The following EWSR1 variants were observed in gnomAD, a reference collection of about 807,000 sequenced individuals.
EWSR1 encodes RNA-binding protein EWS.
In EWSR1, 14 loss-of-function variants were observed where a neutral mutation model predicts 92.1. The observed-to-expected ratio is 0.15, with a 90% CI of 0.10 to 0.24. The LOEUF is 0.24. EWSR1 is among the 10% of genes least tolerant of loss of function. EWSR1 has a pLI of 1.00. For synonymous variants in EWSR1, 303 were observed against 292.9 expected, an observed-to-expected ratio of 1.03 and a Z score of -0.35; for missense variants, 637 against 870.9, an observed-to-expected ratio of 0.73 and a Z score of 3.38.
intron 11 of EWSR1, among the ~76,000 whole-genome samples, chr22:29,293,215 C>T (rs1433021230): frequency 6.6e-6 from 1 of 151,986 alleles, no homozygotes; most frequent in Non-Finnish European, 1.5e-5. Flanking sequence ...TGCCTGTTGG[C>T]CGGGCTGGTC....
intron 4 of EWSR1, chr22:29,277,407 C>CT (rs2059207338): frequency 4.5e-6 from 1 of 221,918 alleles, no homozygotes; most frequent in Non-Finnish European, 9.0e-6. Flanking sequence ...AAAGGATAAA[C>CT]TGTGTTAAGC....
At chr22:29,275,160 G>A (rs1246581807) in intron 4 of EWSR1, among the ~76,000 whole-genome samples, 4 of 152,202 alleles carry the variant, frequency 2.6e-5, no homozygotes, top group South Asian at 2.1e-4. Flanking sequence ...TGGAACTAAG[G>A]TTATGCAGTT....
intron 12 of EWSR1, 96 bp downstream of exon 12, chr22:29,296,464 C>A: frequency 6.8e-7 from 1 of 1,469,662 alleles, no homozygotes; most frequent in African/African-American, 1.4e-5. Context: ...GACCTTCCAT[C>A]TCTTCCTGGG....
At chr22:29,300,091 T>A (rs1472040644) in intron 16 of EWSR1, 31 bp from the exon 17 acceptor site, 1 of 1,595,282 alleles carries the variant, frequency 6.3e-7, no homozygotes. Flanking sequence ...CCCCTTCCCA[T>A]TCTAACCGAA....
At chr22:29,291,861 A>T (rs2147535239) in intron 9 of EWSR1, 1 of 568,262 alleles carries the variant, frequency 1.8e-6, no homozygotes. Context: ...TAGAGGAAAA[A>T]TTTTGACTTA....
intron 8 of EWSR1, chr22:29,290,336 C>A: frequency 6.9e-7 from 1 of 1,439,134 alleles, no homozygotes; most frequent in Admixed American, 2.1e-5. Flanking sequence ...TTTTCATTGC[C>A]TCAGTATTTT....
intron 3 of EWSR1, 126 bp from the exon 4 acceptor site, chr22:29,273,615 T>C (rs186735845): frequency 9.4e-7 from 1 of 1,062,440 alleles, no homozygotes; most frequent in Non-Finnish European, 1.3e-6. Context: ...TTGTTGTTTT[T>C]GTTTTGTTTT....
chr22:29,268,596 C>G (rs1444414842), intron 1 of EWSR1, among the ~76,000 whole-genome samples: 4 of 152,126 alleles, frequency 2.6e-5, no homozygotes, highest in Non-Finnish European at 4.4e-5. Flanking sequence ...GCGCGGGGCC[C>G]GCCTTGGCCT....
chr22:29,273,992 G>A, intron 4 of EWSR1, 128 bp downstream of exon 4: 2 of 1,239,696 alleles, frequency 1.6e-6, no homozygotes, highest in Non-Finnish European at 2.2e-6. Context: ...TTTATTCTTA[G>A]GAAGAGGTAT....
intron 4 of EWSR1, chr22:29,276,393 G>A (rs2059128161): frequency 4.5e-6 from 1 of 224,234 alleles, no homozygotes; most frequent in Admixed American, 5.7e-5. Flanking sequence ...CAGCAGTTTT[G>A]ACAAGGACAT....
chr22:29,299,931 CTCA>C (rs2061211460), intron 16 of EWSR1, 80 bp downstream of exon 16: 1 of 1,540,600 alleles, frequency 6.5e-7, no homozygotes, highest in Admixed American at 2.1e-5. Flanking sequence ...GGCGCAAGTC[CTCA>C]TGTCTCTAGG....
chr22:29,284,231 A>G (rs1482226114), intron 6 of EWSR1, among the ~76,000 whole-genome samples: 5 of 151,348 alleles, frequency 3.3e-5, no homozygotes, highest in Admixed American at 6.5e-5. Context: ...TGGCCTCCCA[A>G]AGTGCTGGGA....
At chr22:29,283,083 A>G (rs965629305) in intron 6 of EWSR1, among the ~76,000 whole-genome samples, 1 of 152,088 alleles carries the variant, frequency 6.6e-6, no homozygotes, top group Non-Finnish European at 1.5e-5. Flanking sequence ...TATTCTTTCT[A>G]AATACAAAAA....
intron 5 of EWSR1, among the ~76,000 whole-genome samples, chr22:29,279,118 GAA>G (rs1491558577): frequency 6.6e-6 from 1 of 152,094 alleles, no homozygotes; most frequent in East Asian, 1.9e-4. Flanking sequence ...AAACCCAGAA[GAA>G]GAGAGAGAGA....
chr22:29,295,567 A>G, intron 11 of EWSR1: 1 of 223,332 alleles, frequency 4.5e-6, no homozygotes, highest in Non-Finnish European at 8.9e-6. Context: ...CAGAGGTATC[A>G]ATATATATAT....
At chr22:29,296,187 C>T in intron 11 of EWSR1, 52 bp from the exon 12 acceptor site, 1 of 1,557,280 alleles carries the variant, frequency 6.4e-7, no homozygotes, top group South Asian at 1.2e-5. Context: ...GGACTTTTTT[C>T]TCCCAAATTA....
At chr22:29,279,245 G>A (rs1056441217) in intron 5 of EWSR1, among the ~76,000 whole-genome samples, 6 of 152,192 alleles carry the variant, frequency 3.9e-5, no homozygotes, top group Middle Eastern at 3.4e-3. Context: ...ATGGGTAACC[G>A]CTTTCTCTTT....
intron 11 of EWSR1, among the ~76,000 whole-genome samples, chr22:29,293,231 C>G (rs1316536337): frequency 6.6e-6 from 1 of 152,110 alleles, no homozygotes; most frequent in African/African-American, 2.4e-5. Context: ...TGGTCTCTAA[C>G]TCCTGGCCAC....
At chr22:29,289,925 ATACTCTAT>A (rs1372937237) in intron 8 of EWSR1, 1 of 230,916 alleles carries the variant, frequency 4.3e-6, no homozygotes, top group African/African-American at 2.2e-5. Context: ...GATTTGGAAA[ATACTCTAT>A]TATAAAGGTT....
Sources: gnomAD v4.1 joint callset for allele counts (sites outside exome capture counted in the v4.1 genomes callset) on GRCh38, gnomAD v4.1.1 for gene constraint, MANE v1.5 for transcripts, NCBI Gene and HGNC (gene_info 2026-07-23, HGNC 2026-07-21) for gene names.